Variants in MEGF11 observed in about 807,000 individuals in gnomAD.
MEGF11 encodes multiple EGF like domains 11, also known as multiple epidermal growth factor-like domains protein 11.
In MEGF11, 126 loss-of-function variants were observed where a neutral mutation model predicts 146.6. The ratio of observed to expected loss-of-function variants is 0.86; its 90% CI spans 0.74 to 1.00. MEGF11 has a LOEUF of 1.00. MEGF11 is among the 50% of genes least tolerant of loss of function. The pLI is 0.00. For synonymous variants in MEGF11, 532 were observed against 583.4 expected, an observed-to-expected ratio of 0.91 and a Z score of 1.27; for missense variants, 1,509 against 1,521.2, an observed-to-expected ratio of 0.99 and a Z score of 0.13.
intron 5 of MEGF11, among the ~76,000 whole-genome samples, chr15:66,031,055 C>A (rs1233749877): frequency 9.8e-5 from 15 of 152,312 alleles, no homozygotes; most frequent in South Asian, 6.2e-4. Flanking sequence ...AAAGCAAATA[C>A]CTTGTCCAAG....
intron 1 of MEGF11, among the ~76,000 whole-genome samples, chr15:66,243,855 C>G (rs749866633): frequency 6.6e-6 from 1 of 152,040 alleles, no homozygotes; most frequent in Non-Finnish European, 1.5e-5. Flanking sequence ...TCACCTCTAC[C>G]GACCTGCAGA....
At chr15:65,973,992 T>C (rs975400596) in intron 7 of MEGF11, among the ~76,000 whole-genome samples, 2 of 152,218 alleles carry the variant, frequency 1.3e-5, no homozygotes, top group African/African-American at 4.8e-5. Flanking sequence ...GATCTGAGCC[T>C]GCTCTTGTCT....
intron 5 of MEGF11, among the ~76,000 whole-genome samples, chr15:66,086,316 G>C (rs1208254373): frequency 6.6e-6 from 1 of 152,132 alleles, no homozygotes; most frequent in Non-Finnish European, 1.5e-5. Context: ...AAGAACACCT[G>C]GGAAATTCAT....
intron 13 of MEGF11, among the ~76,000 whole-genome samples, chr15:65,925,171 C>T (rs1342810317): frequency 2.0e-5 from 3 of 152,194 alleles, no homozygotes; most frequent in Non-Finnish European, 4.4e-5. Context: ...CCACTGAATT[C>T]GTGGCAGCTG....
intron 4 of MEGF11, among the ~76,000 whole-genome samples, chr15:66,115,499 C>T (rs1467046873): frequency 6.6e-6 from 1 of 152,254 alleles, no homozygotes; most frequent in Non-Finnish European, 1.5e-5. Context: ...CAGGAGGATG[C>T]TGGTAACAGC....
intron 5 of MEGF11, among the ~76,000 whole-genome samples, chr15:66,086,624 C>CATTACCAAG (rs1358838515): frequency 2.0e-5 from 3 of 152,148 alleles, no homozygotes; most frequent in Non-Finnish European, 4.4e-5. Context: ...GAGAATTCGC[C>CATTACCAAG]ATTACCAAGC....
chr15:66,181,620 A>G (rs2141153311), intron 1 of MEGF11, among the ~76,000 whole-genome samples: 1 of 152,344 alleles, frequency 6.6e-6, no homozygotes, highest in East Asian at 1.9e-4. Flanking sequence ...GTTTAGCTTC[A>G]TGAAGAACTC....
chr15:66,211,340 G>A (rs377623262), intron 1 of MEGF11, among the ~76,000 whole-genome samples: 88 of 152,082 alleles, frequency 5.8e-4, no homozygotes, highest in South Asian at 3.1e-3. Context: ...TGGCTAACAC[G>A]GTGAAACCCC....
At chr15:66,056,963 C>A (rs888093174) in intron 5 of MEGF11, among the ~76,000 whole-genome samples, 1 of 152,224 alleles carries the variant, frequency 6.6e-6, no homozygotes, top group African/African-American at 2.4e-5. Flanking sequence ...AAATTACTGG[C>A]CAATCTGTTT....
chr15:65,988,038 C>T (rs1393856953), intron 5 of MEGF11, among the ~76,000 whole-genome samples: 65 of 83,248 alleles, frequency 7.8e-4, no homozygotes, highest in Non-Finnish European at 1.2e-3. Flanking sequence ...GATGGAGTCT[C>T]GCTCTGTCCC....
At position 66,119,126 on chromosome 15, in the gene MEGF11, C is replaced by A; in HGVS notation, c.261G>T (p.Gln87His). The change falls in exon 4 of 26, where the codon CAG (glutamine) becomes CAT (histidine). Residue 87 changes from glutamine to histidine, a missense_variant. By Grantham distance (24) the Gln-to-His change is conservative. Coordinates refer to ENST00000395614, the MANE Select transcript of MEGF11 (RefSeq NM_001385028.1). ...GLRTMYRRRS[Q>H]CCPGYYESGD... ...CGCTCTCATAGTAGCCAGGGCAGCA[C>A]TGGGACCTCCGCCGGTACATGGTCC... 1.3e-6 allele frequency: 2 copies of A among 1,551,580 alleles called. No individual in the cohort carries two copies.
chr15:65,980,395 CTTTTTTTT>C (rs60154748), intron 7 of MEGF11, among the ~76,000 whole-genome samples: 75 of 88,200 alleles, frequency 8.5e-4, no homozygotes, highest in African/African-American at 3.4e-3. Flanking sequence ...AAGAATTCAG[CTTTTTTTT>C]TTTTTTTTTT....
chr15:66,193,660 G>A (rs1026264945), intron 1 of MEGF11, among the ~76,000 whole-genome samples: 2 of 152,086 alleles, frequency 1.3e-5, no homozygotes, highest in Non-Finnish European at 2.9e-5. Flanking sequence ...GGTTCTGCAG[G>A]TTCAATTACA....
intron 7 of MEGF11, among the ~76,000 whole-genome samples, chr15:65,980,383 A>T (rs924329934): frequency 4.3e-5 from 6 of 138,454 alleles, no homozygotes; most frequent in African/African-American, 1.6e-4. Flanking sequence ...TCAGAGTGGG[A>T]GAAGAATTCA....
chr15:66,023,349 G>A (rs919401413), intron 5 of MEGF11, among the ~76,000 whole-genome samples: 2 of 152,170 alleles, frequency 1.3e-5, no homozygotes, highest in Non-Finnish European at 1.5e-5. Flanking sequence ...ATATCCATGA[G>A]AGCCTCTAAA....
intron 10 of MEGF11, among the ~76,000 whole-genome samples, chr15:65,950,176 T>G (rs2080347382): frequency 6.6e-6 from 1 of 152,234 alleles, no homozygotes; most frequent in Non-Finnish European, 1.5e-5. Context: ...CAATAACAGC[T>G]AATGCTTGTT....
chr15:65,929,607 C>T (rs2079498984), intron 12 of MEGF11, 113 bp downstream of exon 12: 2 of 1,271,934 alleles, frequency 1.6e-6, no homozygotes, highest in South Asian at 3.0e-5. Context: ...TCCAAGTGTC[C>T]CATCACCTAG....
At chr15:66,111,770 G>A (rs957313467) in intron 4 of MEGF11, among the ~76,000 whole-genome samples, 4 of 152,234 alleles carry the variant, frequency 2.6e-5, no homozygotes, top group African/African-American at 9.6e-5. Context: ...ACTGCTGAAT[G>A]GGTATGGGGT....
chr15:66,141,150 C>T (rs1463551018), intron 1 of MEGF11, among the ~76,000 whole-genome samples: 1 of 151,892 alleles, frequency 6.6e-6, no homozygotes, highest in Non-Finnish European at 1.5e-5. Context: ...TGCAGGCTCA[C>T]GTGGATGACC....
Sources: gnomAD v4.1 joint callset for allele counts (sites outside exome capture counted in the v4.1 genomes callset) on GRCh38, gnomAD v4.1.1 for gene constraint, MANE v1.5 for transcripts, NCBI Gene and HGNC (gene_info 2026-07-23, HGNC 2026-07-21) for gene names.